Variants in DSCAM observed in about 807,000 individuals in gnomAD.
DSCAM encodes DS cell adhesion molecule, also known as cell adhesion molecule DSCAM.
In DSCAM, 47 loss-of-function variants were observed where a neutral mutation model predicts 217.7. That is an observed-to-expected ratio of 0.22 (90% CI 0.17 to 0.28). DSCAM has a LOEUF of 0.28. DSCAM is among the 10% of genes least tolerant of loss of function. DSCAM has a pLI of 1.00. For synonymous variants in DSCAM, 1,056 were observed against 1,015.3 expected, an observed-to-expected ratio of 1.04 and a Z score of -0.76; for missense variants, 2,080 against 2,618.3, an observed-to-expected ratio of 0.79 and a Z score of 4.49.
At chr21:40,083,013 C>A (rs1047704704) in intron 24 of DSCAM, among the ~76,000 whole-genome samples, 4 of 152,188 alleles carry the variant, frequency 2.6e-5, no homozygotes, top group Non-Finnish European at 5.9e-5. Flanking sequence ...GAAGTCTAAG[C>A]CCCTATTCTC....
At chr21:40,482,053 C>CGGG (rs1039257259) in intron 3 of DSCAM, among the ~76,000 whole-genome samples, 6 of 152,162 alleles carry the variant, frequency 3.9e-5, no homozygotes, top group Non-Finnish European at 7.4e-5. Context: ...AACACCACTC[C>CGGG]GGGGGGAAGA....
At chr21:40,420,537 A>G (rs1255043749) in intron 3 of DSCAM, among the ~76,000 whole-genome samples, 1 of 152,204 alleles carries the variant, frequency 6.6e-6, no homozygotes, top group East Asian at 1.9e-4. Flanking sequence ...TGAACCAAGT[A>G]TCTATGGTGT....
chr21:40,463,095 A>G (rs926583790), intron 3 of DSCAM, among the ~76,000 whole-genome samples: 1 of 152,164 alleles, frequency 6.6e-6, no homozygotes, highest in African/African-American at 2.4e-5. Context: ...CACATTTGAC[A>G]TATAAAACAG....
intron 3 of DSCAM, among the ~76,000 whole-genome samples, chr21:40,442,934 A>C (rs892309858): frequency 6.6e-6 from 1 of 152,218 alleles, no homozygotes; most frequent in African/African-American, 2.4e-5. Context: ...ATGTGTATGC[A>C]TGTGTGGATG....
chr21:40,560,532 A>ACTC (rs1291606116), intron 3 of DSCAM, among the ~76,000 whole-genome samples: 2 of 152,096 alleles, frequency 1.3e-5, no homozygotes, highest in Non-Finnish European at 2.9e-5. Flanking sequence ...TAATACAGCG[A>ACTC]CTCCTCGACT....
intron 3 of DSCAM, among the ~76,000 whole-genome samples, chr21:40,443,150 T>TG (rs1415951128): frequency 6.6e-6 from 1 of 152,230 alleles, no homozygotes; most frequent in Non-Finnish European, 1.5e-5. Context: ...GTGGATCTTC[T>TG]GAGTATTGGC....
chr21:40,774,722 T>C (rs919899169), intron 1 of DSCAM, among the ~76,000 whole-genome samples: 1 of 152,054 alleles, frequency 6.6e-6, no homozygotes, highest in African/African-American at 2.4e-5. Flanking sequence ...GCCACATTCA[T>C]CATCACTTAG....
chr21:40,815,204 T>C (rs1311158001), intron 1 of DSCAM, among the ~76,000 whole-genome samples: 1 of 152,004 alleles, frequency 6.6e-6, no homozygotes, highest in African/African-American at 2.4e-5. Context: ...AAAGAGTGTT[T>C]GTACATGATG....
intron 3 of DSCAM, among the ~76,000 whole-genome samples, chr21:40,515,110 C>G (rs1267406556): frequency 1.3e-5 from 2 of 152,162 alleles, no homozygotes; most frequent in Non-Finnish European, 2.9e-5. Context: ...CTACTATAAT[C>G]TGAAAACTAA....
At chr21:40,095,846 T>C (rs2089668903) in intron 20 of DSCAM, among the ~76,000 whole-genome samples, 2 of 152,334 alleles carry the variant, frequency 1.3e-5, no homozygotes, top group East Asian at 3.9e-4. Flanking sequence ...ATTATAACTG[T>C]ATATGTTCAA....
intron 8 of DSCAM, among the ~76,000 whole-genome samples, chr21:40,332,469 C>G (rs1029366229): frequency 2.0e-5 from 3 of 152,134 alleles, no homozygotes; most frequent in African/African-American, 7.2e-5. Flanking sequence ...GTTTTGTAAA[C>G]TATAAAGTTT....
intron 3 of DSCAM, among the ~76,000 whole-genome samples, chr21:40,532,925 T>C (rs939003411): frequency 6.7e-6 from 1 of 150,232 alleles, no homozygotes; most frequent in Non-Finnish European, 1.5e-5. Context: ...CGCACGCGCA[T>C]GTGCGCATAT....
intron 3 of DSCAM, among the ~76,000 whole-genome samples, chr21:40,627,629 G>A (rs907574359): frequency 2.0e-5 from 3 of 152,114 alleles, no homozygotes; most frequent in Admixed American, 6.5e-5. Context: ...CAGTAATAGC[G>A]ATGACTTTAC....
intron 9 of DSCAM, among the ~76,000 whole-genome samples, chr21:40,301,571 C>T (rs969688986): frequency 6.6e-6 from 1 of 152,206 alleles, no homozygotes; most frequent in African/African-American, 2.4e-5. Context: ...TTAAGTGCTT[C>T]TCTGAGGCCT....
chr21:40,197,673 A>G (rs1191655404), intron 11 of DSCAM, among the ~76,000 whole-genome samples: 2 of 152,056 alleles, frequency 1.3e-5, no homozygotes, highest in Non-Finnish European at 2.9e-5. Flanking sequence ...GGAAAGCTAA[A>G]TGGTAGTAGC....
intron 1 of DSCAM, among the ~76,000 whole-genome samples, chr21:40,775,866 G>A (rs2091483660): frequency 6.6e-6 from 1 of 152,158 alleles, no homozygotes; most frequent in Non-Finnish European, 1.5e-5. Flanking sequence ...ATGCGGTGGC[G>A]AACCTTTGCA....
chr21:40,322,566 C>T (rs1307329247), intron 8 of DSCAM, among the ~76,000 whole-genome samples: 1 of 151,760 alleles, frequency 6.6e-6, no homozygotes, highest in Non-Finnish European at 1.5e-5. Flanking sequence ...ATCTTGTTGC[C>T]CAGGCTGGAG....
At chr21:40,042,755 G>A in intron 31 of DSCAM, 82 bp from the exon 32 acceptor site, 2 of 1,374,190 alleles carry the variant, frequency 1.5e-6, no homozygotes, top group Non-Finnish European at 2.0e-6. Flanking sequence ...CTGGCTTGGG[G>A]CTGTTTTCTT....
intron 3 of DSCAM, among the ~76,000 whole-genome samples, chr21:40,509,193 G>T (rs2076239041): frequency 6.6e-6 from 1 of 152,016 alleles, no homozygotes; most frequent in African/African-American, 2.4e-5. Context: ...ACAAGCAAGG[G>T]AAGAACTTTC....
Sources: gnomAD v4.1 joint callset for allele counts (sites outside exome capture counted in the v4.1 genomes callset) on GRCh38, gnomAD v4.1.1 for gene constraint, MANE v1.5 for transcripts, NCBI Gene and HGNC (gene_info 2026-07-23, HGNC 2026-07-21) for gene names.